The following CRPPA variants were observed in gnomAD, a reference collection of about 807,000 sequenced individuals.
CRPPA encodes D-ribitol-5-phosphate cytidylyltransferase.
Under a neutral mutation model 52.0 loss-of-function variants are expected in CRPPA, and 43 were observed. That is an observed-to-expected ratio of 0.83 (90% CI 0.65 to 1.07). The LOEUF is 1.07. Among genes scored for constraint, CRPPA ranks in the 50% least tolerant of loss-of-function variants. The probability of loss-of-function intolerance (pLI) is 0.00; values close to 1 mark genes in which losing one functional copy is unlikely to be tolerated. For synonymous variants in CRPPA, 250 were observed against 203.5 expected, an observed-to-expected ratio of 1.23 and a Z score of -1.94; for missense variants, 629 against 551.7, an observed-to-expected ratio of 1.14 and a Z score of -1.40.
intron 2 of CRPPA, among the ~76,000 whole-genome samples, chr7:16,399,507 C>CAT (rs34073023): frequency 3.3e-5 from 5 of 151,622 alleles, no homozygotes; most frequent in Admixed American, 6.6e-5. Context: ...TCGTGACCAA[C>CAT]GTGACCAGAG....
At chr7:16,110,702 A>G (rs1372572698) in intron 9 of CRPPA, among the ~76,000 whole-genome samples, 1 of 152,088 alleles carries the variant, frequency 6.6e-6, no homozygotes, top group Non-Finnish European at 1.5e-5. Flanking sequence ...GAAACGGATA[A>G]TTTTTTTCAA....
intron 5 of CRPPA, among the ~76,000 whole-genome samples, chr7:16,288,342 A>G (rs1318490718): frequency 1.3e-5 from 2 of 152,128 alleles, no homozygotes; most frequent in East Asian, 1.9e-4. Flanking sequence ...ACAACTATCA[A>G]TTAAGTCAAG....
At chr7:16,419,595 T>C (rs1788279085) in intron 1 of CRPPA, among the ~76,000 whole-genome samples, 1 of 152,170 alleles carries the variant, frequency 6.6e-6, no homozygotes, top group South Asian at 2.1e-4. Flanking sequence ...AACATCACTA[T>C]TGTAAAACCT....
At chr7:16,231,322 A>C (rs935697573) in intron 8 of CRPPA, among the ~76,000 whole-genome samples, 2 of 152,156 alleles carry the variant, frequency 1.3e-5, no homozygotes, top group African/African-American at 2.4e-5. Context: ...ACATGTGGAT[A>C]GTTGTTCAAA....
intron 3 of CRPPA, among the ~76,000 whole-genome samples, chr7:16,344,538 C>A (rs1191998946): frequency 1.3e-5 from 2 of 151,368 alleles, no homozygotes; most frequent in East Asian, 1.9e-4. Context: ...GCAACAGAGA[C>A]CTTGTCTATC....
chr7:16,272,849 G>A (rs1024577716), intron 6 of CRPPA, among the ~76,000 whole-genome samples: 48 of 152,046 alleles, frequency 3.2e-4, no homozygotes, highest in African/African-American at 1.2e-3. Flanking sequence ...AAATCAAACT[G>A]CAAGTTTCCC....
chr7:16,266,867 T>C (rs1295139), intron 6 of CRPPA, among the ~76,000 whole-genome samples: 22,445 of 152,204 alleles, frequency 0.15, 1,820 homozygotes, highest in African/African-American at 0.22. Flanking sequence ...TGTCGAGCTT[T>C]CATGACAGAT....
chr7:16,207,653 A>G (rs944920226), intron 9 of CRPPA, among the ~76,000 whole-genome samples: 1 of 152,236 alleles, frequency 6.6e-6, no homozygotes, highest in Non-Finnish European at 1.5e-5. Flanking sequence ...GTACATTAGA[A>G]AACACTCAGT....
At chr7:16,159,505 A>C (rs962956031) in intron 9 of CRPPA, among the ~76,000 whole-genome samples, 3 of 152,160 alleles carry the variant, frequency 2.0e-5, no homozygotes, top group African/African-American at 7.2e-5. Context: ...GATGGTTTCC[A>C]GCTTCATCTA....
chr7:16,397,414 C>T (rs1583576533), intron 2 of CRPPA, among the ~76,000 whole-genome samples: 1 of 152,308 alleles, frequency 6.6e-6, no homozygotes, highest in Middle Eastern at 3.4e-3. Context: ...ACGTAATGGA[C>T]ACGTGACTGA....
intron 8 of CRPPA, among the ~76,000 whole-genome samples, chr7:16,252,940 C>A (rs1440016175): frequency 6.6e-6 from 1 of 152,098 alleles, no homozygotes; most frequent in Admixed American, 6.6e-5. Context: ...TCTGTGGGAT[C>A]GCTGGTGATA....
At chr7:16,398,641 A>G (rs1384795690) in intron 2 of CRPPA, among the ~76,000 whole-genome samples, 2 of 152,116 alleles carry the variant, frequency 1.3e-5, no homozygotes, top group Non-Finnish European at 2.9e-5. Flanking sequence ...ACACGTGACA[A>G]ACATCACTGA....
At chr7:16,374,815 C>A (rs1466952535) in intron 3 of CRPPA, among the ~76,000 whole-genome samples, 1 of 152,032 alleles carries the variant, frequency 6.6e-6, no homozygotes, top group African/African-American at 2.4e-5. Flanking sequence ...TTATCATCCA[C>A]CTGAAAAAAA....
chr7:16,381,384 A>T lies in CRPPA; in HGVS notation c.535-5143T>A, dbSNP rs1787084134. Among the ~76,000 whole-genome samples, 3 of 151,890 alleles carry T rather than the reference A, an allele frequency of 2.0e-5. No individual in the cohort carries two copies. The South Asian group carries it at 6.2e-4, about 32-fold the overall frequency. On this transcript the variant is annotated intron_variant, in intron 2 of 9. Transcript: ENST00000407010. The stretch of plus-strand genomic sequence containing the variant: ...TTTGTTATAATTTCTGTTCTTTTAC[A>T]TTTGCTGAGGAGAGCTTTACTTCCA...
At chr7:16,363,763 A>G (rs1459909814) in intron 3 of CRPPA, among the ~76,000 whole-genome samples, 1 of 152,196 alleles carries the variant, frequency 6.6e-6, no homozygotes, top group African/African-American at 2.4e-5. Context: ...AATAAGGACC[A>G]GTGGGGAAAA....
chr7:16,369,087 G>A (rs1309707925), intron 3 of CRPPA, among the ~76,000 whole-genome samples: 1 of 152,108 alleles, frequency 6.6e-6, no homozygotes, highest in Non-Finnish European at 1.5e-5. Flanking sequence ...CTGTGTAGCA[G>A]GAAGAGCCAC....
chr7:16,205,100 G>C (rs978838589), intron 9 of CRPPA, among the ~76,000 whole-genome samples: 1 of 152,148 alleles, frequency 6.6e-6, no homozygotes, highest in South Asian at 2.1e-4. Flanking sequence ...CTGTCCCACA[G>C]GCAGCAGAAG....
At position 16,090,984 on chromosome 7, in the gene CRPPA, G is replaced by A. The variant is rs904639712; in HGVS notation, c.*711C>T. 2.6e-5 allele frequency: 4 copies of A among 152,150 alleles called. No homozygotes were observed. The highest frequency in any genetic ancestry group is 7.2e-5 in the African/African-American group (3 of 41,442). 9.4% of individuals were successfully genotyped at this position (152,150 alleles called of 1,614,324 possible). On this transcript the variant is annotated 3_prime_UTR_variant, in exon 10 of 10. Transcript: ENST00000407010. ...CCAGGGATTGACCAGAATCACCTAC[G>A]AAACTTTCCAGACACTTTTAAGTTC...
chr7:16,145,955 C>T (rs1782966253), intron 9 of CRPPA, among the ~76,000 whole-genome samples: 1 of 151,892 alleles, frequency 6.6e-6, no homozygotes, highest in African/African-American at 2.4e-5. Flanking sequence ...ATTGAACATC[C>T]AGCTCTTCAA....
Sources: gnomAD v4.1 joint callset for allele counts (sites outside exome capture counted in the v4.1 genomes callset) on GRCh38, gnomAD v4.1.1 for gene constraint, MANE v1.5 for transcripts, NCBI Gene and HGNC (gene_info 2026-07-23, HGNC 2026-07-21) for gene names.